PTPRN2: variants seen among roughly 807,000 people sequenced by gnomAD.
PTPRN2 encodes the protein protein tyrosine phosphatase receptor type N2.
In PTPRN2, 74 loss-of-function variants were observed where a neutral mutation model predicts 118.8. The observed-to-expected ratio is 0.62, with a 90% CI of 0.52 to 0.76. The LOEUF is 0.76. Among genes scored for constraint, PTPRN2 ranks in the 30% least tolerant of loss-of-function variants. PTPRN2 has a pLI of 0.00. For missense variants in PTPRN2, 1,481 were observed against 1,394.4 expected (o/e 1.06, Z -0.99); for synonymous variants, 641 against 608.0 (o/e 1.05, Z -0.80).
At chr7:157,580,573 CG>C (rs1800304473) in intron 17 of PTPRN2, among the ~76,000 whole-genome samples, 3 of 142,176 alleles carry the variant, frequency 2.1e-5, no homozygotes, top group Non-Finnish European at 1.5e-5. Context: ...CCTGCACATC[CG>C]AGCCCCTGCA....
intron 11 of PTPRN2, among the ~76,000 whole-genome samples, chr7:157,950,289 C>A (rs1203741799): frequency 6.6e-6 from 1 of 152,192 alleles, no homozygotes; most frequent in Non-Finnish European, 1.5e-5. Context: ...GAAATACAAA[C>A]CCGCAGGCGT....
At chr7:158,414,088 A>AAAAAAC (rs61405192) in intron 2 of PTPRN2, among the ~76,000 whole-genome samples, 1 of 151,354 alleles carries the variant, frequency 6.6e-6, no homozygotes, top group African/African-American at 2.4e-5. Context: ...AAAAAAAAAA[A>AAAAAAC]AAGGAAGCAA....
At chr7:158,405,159 C>A (rs1195612700) in intron 2 of PTPRN2, among the ~76,000 whole-genome samples, 2 of 152,270 alleles carry the variant, frequency 1.3e-5, no homozygotes, top group South Asian at 2.1e-4. Flanking sequence ...ACAAAGACAG[C>A]ATCACGAACA....
At chr7:157,931,999 G>T (rs1208948439) in intron 11 of PTPRN2, among the ~76,000 whole-genome samples, 3 of 152,146 alleles carry the variant, frequency 2.0e-5, no homozygotes, top group African/African-American at 7.2e-5. Context: ...TATCATACAA[G>T]AATCTCAGAC....
chr7:158,481,189 T>C (rs1820617076), intron 2 of PTPRN2, among the ~76,000 whole-genome samples: 1 of 152,232 alleles, frequency 6.6e-6, no homozygotes, highest in Non-Finnish European at 1.5e-5. Flanking sequence ...CCCTTAAGAA[T>C]CATGCTAAAT....
chr7:157,577,896 TG>T, intron 18 of PTPRN2, 124 bp downstream of exon 18: 2 of 1,233,404 alleles, frequency 1.6e-6, no homozygotes, highest in East Asian at 2.6e-5. Context: ...CCCCTGAACA[TG>T]GGGTGCGCTG....
At chr7:158,232,663 GAC>G (rs1191613153) in intron 3 of PTPRN2, among the ~76,000 whole-genome samples, 1 of 151,784 alleles carries the variant, frequency 6.6e-6, no homozygotes, top group Non-Finnish European at 1.5e-5. Flanking sequence ...TATAGGCATA[GAC>G]ACAAAAATCT....
intron 14 of PTPRN2, among the ~76,000 whole-genome samples, chr7:157,631,796 C>A (rs1037629407): frequency 2.7e-5 from 4 of 150,102 alleles, no homozygotes; most frequent in African/African-American, 9.9e-5. Flanking sequence ...TGTGCCACTG[C>A]ACTCCAGCCT....
intron 12 of PTPRN2, chr7:157,863,380 C>A (rs1475199498): frequency 6.6e-6 from 1 of 152,236 alleles, no homozygotes; most frequent in Non-Finnish European, 1.5e-5. Flanking sequence ...TCCCCTCCTT[C>A]CCAGCTTGCC....
intron 11 of PTPRN2, among the ~76,000 whole-genome samples, chr7:158,064,456 G>A (rs1469470178): frequency 1.3e-5 from 2 of 152,174 alleles, no homozygotes; most frequent in Non-Finnish European, 2.9e-5. Flanking sequence ...AGCCATGGGG[G>A]AGCCGGGGGA....
At chr7:157,751,248 C>G (rs1801447074) in intron 12 of PTPRN2, among the ~76,000 whole-genome samples, 1 of 152,150 alleles carries the variant, frequency 6.6e-6, no homozygotes, top group African/African-American at 2.4e-5. Flanking sequence ...AAGGCAATAT[C>G]CCGAGGAGAG....
intron 11 of PTPRN2, among the ~76,000 whole-genome samples, chr7:157,943,405 G>T (rs576234426): frequency 6.6e-6 from 1 of 152,076 alleles, no homozygotes; most frequent in Non-Finnish European, 1.5e-5. Context: ...TTCAGTGACA[G>T]CCAACAGAAT....
At chr7:158,397,004 C>T (rs1812565362) in intron 2 of PTPRN2, among the ~76,000 whole-genome samples, 2 of 152,250 alleles carry the variant, frequency 1.3e-5, no homozygotes, top group East Asian at 1.9e-4. Context: ...TTGAAACAAA[C>T]CGACATCCTG....
At chr7:158,560,408 G>A (rs1312822045) in intron 1 of PTPRN2, among the ~76,000 whole-genome samples, 5 of 152,248 alleles carry the variant, frequency 3.3e-5, no homozygotes, top group Admixed American at 3.3e-4. Context: ...TAGAGTAATA[G>A]GCAAATGTTT....
In PTPRN2 at chr7:158,389,299, A is replaced by G. The variant is rs535531106; in HGVS notation, c.164-72367T>C. On this transcript the variant is annotated intron_variant, in intron 2 of 22. Coordinates refer to ENST00000389418, the MANE Select transcript of PTPRN2 (RefSeq NM_002847.5). ...GCCCAGGCTGCGACGCATGTGGAGG[A>G]CACGCAGCCGTGTCCATAGACCACA... is the stretch of plus-strand genomic sequence containing the variant. Among the ~76,000 whole-genome samples the G allele has an allele frequency of 4.6e-5, 7 of 152,392 alleles. No individual in the cohort carries two copies. The East Asian group carries it at 1.2e-3, about 25-fold the overall frequency.
Position 157,778,990 on chromosome 7 carries a change from C to T in PTPRN2, c.1789-96053G>A, listed in dbSNP as rs114212907. On this transcript the variant is annotated intron_variant, in intron 12 of 22. Transcript: ENST00000389418. ...GGAACTTCCTGCTTTATGCTGGAAA[C>T]GGGCCACAGCGCTCAAGCAGAGCTC... is the stretch of plus-strand genomic sequence containing the variant. Among the ~76,000 whole-genome samples, 1,124 of 152,322 alleles carry T rather than the reference C, an allele frequency of 7.4e-3. 12 individuals are homozygous for T. The highest frequency in any genetic ancestry group is 0.026 in the African/African-American group (1,061 of 41,574).
At chr7:157,830,502 C>T (rs976477554) in intron 12 of PTPRN2, among the ~76,000 whole-genome samples, 5 of 151,694 alleles carry the variant, frequency 3.3e-5, no homozygotes, top group African/African-American at 9.7e-5. Context: ...CACATCACCA[C>T]GCGGGGAGGG....
chr7:158,147,675 ACTGACACCCCATCTCACGCCACACGTCT>A (rs1820290701), intron 6 of PTPRN2, among the ~76,000 whole-genome samples: 5 of 118,340 alleles, frequency 4.2e-5, no homozygotes, highest in Non-Finnish European at 8.4e-5. Context: ...TTTCCCCCTC[ACTGACACCCCATCTCACGCCACACGTCT>A]TTCCCCCTCA....
intron 9 of PTPRN2, among the ~76,000 whole-genome samples, chr7:158,116,508 A>G (rs1242316447): frequency 1.3e-5 from 2 of 152,252 alleles, no homozygotes; most frequent in Admixed American, 6.5e-5. Context: ...AGCTGTGCAC[A>G]TGTTCCTGGA....
Sources: gnomAD v4.1 joint callset for allele counts (sites outside exome capture counted in the v4.1 genomes callset) on GRCh38, gnomAD v4.1.1 for gene constraint, MANE v1.5 for transcripts, NCBI Gene and HGNC (gene_info 2026-07-23, HGNC 2026-07-21) for gene names.